The following KCNQ1 variants were observed in gnomAD, a reference collection of about 807,000 sequenced individuals.
KCNQ1 encodes the protein potassium voltage-gated channel subfamily KQT member 1.
A neutral mutation model predicts 72.4 loss-of-function variants in KCNQ1; 49 were observed. The observed-to-expected ratio is 0.68, with a 90% CI of 0.54 to 0.86. The LOEUF is 0.86. Among genes scored for constraint, KCNQ1 ranks in the 40% least tolerant of loss-of-function variants. The pLI is 0.00. For synonymous variants in KCNQ1, 450 were observed against 412.6 expected (o/e 1.09, Z -1.10); for missense variants, 790 against 945.1 (o/e 0.84, Z 2.15).
Position 2,652,857 on chromosome 11 carries a change from T to A in KCNQ1, c.1394-9104T>A. On this transcript the variant is annotated intron_variant, in intron 10 of 15. Coordinates refer to ENST00000155840, the MANE Select transcript of KCNQ1 (RefSeq NM_000218.3). This position sits in a 1 kb window ranked among gnomAD's most constrained non-coding sequence, Gnocchi z 5.9. ...GATTTGTGTATGCTGAGGCTTGCTA[T>A]ACTTATTCTAAGGAGAAGTGTTTGG... 2.5e-6 allele frequency: 1 copy of A among 398,750 alleles called. No individual in the cohort carries two copies. 24.7% of individuals were successfully genotyped at this position (398,750 alleles called of 1,614,324 possible). A position where few individuals can be genotyped will look rare whatever the true frequency, so the allele number is the denominator to read the frequency against.
chr11:2,645,064 G>C lies in KCNQ1; in HGVS notation c.1394-16897G>C. ...TTGCTCAGGTGCCAATGATGACAGA[G>C]CTGGGCCACAGGGTGGGTAGGTCCT... On this transcript the variant is annotated intron_variant, in intron 10 of 15. Transcript: ENST00000155840. This position sits in a 1 kb window ranked among gnomAD's most constrained non-coding sequence, Gnocchi z 5.8. 2.5e-6 allele frequency: 1 copy of C among 398,710 alleles called. No homozygotes were observed. Among genetic ancestry groups the C allele is most frequent in the Middle Eastern group, 6.3e-4 (1 of 1,588 alleles). The allele number at this position is 398,710 out of a possible 1,614,324, so 24.7% of individuals were successfully genotyped here. A position where few individuals can be genotyped will look rare whatever the true frequency, so the allele number is the denominator to read the frequency against.
At chr11:2,771,991 G>T (rs1182328478) in intron 12 of KCNQ1, among the ~76,000 whole-genome samples, 3 of 152,178 alleles carry the variant, frequency 2.0e-5, no homozygotes, top group African/African-American at 7.2e-5. Context: ...TGGGAGCCTT[G>T]CAGAAACCTG....
At chr11:2,476,264 A>T (rs1846567393) in intron 1 of KCNQ1, among the ~76,000 whole-genome samples, 1 of 152,192 alleles carries the variant, frequency 6.6e-6, no homozygotes, top group Non-Finnish European at 1.5e-5. Context: ...GATATCTCTG[A>T]TTTCAACGTA....
In KCNQ1 at chr11:2,651,955, G is replaced by C; in HGVS notation, c.1394-10006G>C. ...CACAGCCCTCCTGCAGCCAGCAGCA[G>C]TGGGGGAGCCAAGCTGAGTTGATTA... On this transcript the variant is annotated intron_variant, in intron 10 of 15. Coordinates refer to ENST00000155840, the MANE Select transcript of KCNQ1 (RefSeq NM_000218.3). This position sits in a 1 kb window ranked among gnomAD's most constrained non-coding sequence, Gnocchi z 6.1. 1 of 398,730 alleles carries C rather than the reference G, an allele frequency of 2.5e-6. No homozygotes were observed. 24.7% of individuals were successfully genotyped at this position (398,730 alleles called of 1,614,324 possible).
chr11:2,692,472 T>G, intron 11 of KCNQ1: 1 of 398,742 alleles, frequency 2.5e-6, no homozygotes, highest in Non-Finnish European at 4.4e-6. Context: ...GCAGCTGCCT[T>G]TCTGGTAGTT....
chr11:2,728,492 G>A (rs573637924), intron 11 of KCNQ1, among the ~76,000 whole-genome samples: 17 of 152,350 alleles, frequency 1.1e-4, no homozygotes, highest in African/African-American at 3.8e-4. Flanking sequence ...TAATTCTGCA[G>A]CCTCTGGCTT....
Position 2,473,417 on chromosome 11 carries a change from T to G in KCNQ1, c.386+27933T>G, listed in dbSNP as rs1051606835. Among the ~76,000 whole-genome samples, 6 of 151,762 alleles carry G rather than the reference T, an allele frequency of 4.0e-5. No individual in the cohort carries two copies. In the East Asian group the frequency reaches 1.2e-3, roughly 29 times the overall value. ...CCCGTCCAGCAGGAGGCAGGAGAGC[T>G]GGTGTTTGGAGATGTGAGGGGCTGG... On this transcript the variant is annotated intron_variant, in intron 1 of 15. Transcript: ENST00000155840. This position sits in a 1 kb window ranked among gnomAD's most constrained non-coding sequence, Gnocchi z 6.0.
intron 11 of KCNQ1, among the ~76,000 whole-genome samples, chr11:2,719,459 G>A (rs1851166171): frequency 6.6e-6 from 1 of 151,328 alleles, no homozygotes; most frequent in African/African-American, 2.4e-5. Flanking sequence ...GACTGTGATT[G>A]ACGTGTTGAC....
In KCNQ1 at chr11:2,720,502, G is replaced by C. The variant is rs231884; in HGVS notation, c.1515-48342G>C. Among the ~76,000 whole-genome samples, 19,325 of 152,162 alleles carry C rather than the reference G, an allele frequency of 0.13. 1,568 individuals carry two copies. The highest frequency in any genetic ancestry group is 0.2 in the Middle Eastern group (59 of 294). ...CTCGAAGCTCACCTGGCCTCTCTCTGTAAGGGGAGAGGGACCCAGGGCTGA... is the reference window on the plus strand; with the variant it reads ...CTCGAAGCTCACCTGGCCTCTCTCTCTAAGGGGAGAGGGACCCAGGGCTGA... On this transcript the variant is annotated intron_variant, in intron 11 of 15. Coordinates refer to ENST00000155840, the MANE Select transcript of KCNQ1 (RefSeq NM_000218.3). This position sits in a 1 kb window ranked among gnomAD's most constrained non-coding sequence, Gnocchi z 5.1.
chr11:2,733,096 A>C (rs1314843949), intron 11 of KCNQ1, among the ~76,000 whole-genome samples: 4 of 151,942 alleles, frequency 2.6e-5, no homozygotes, highest in Admixed American at 1.3e-4. Flanking sequence ...CCCTCTGTAA[A>C]ATAGGAGGCA....
At position 2,725,617 on chromosome 11, in the gene KCNQ1, C is replaced by T. The variant is rs570515719; in HGVS notation, c.1515-43227C>T. Among the ~76,000 whole-genome samples the T allele has an allele frequency of 6.2e-4, 95 of 152,356 alleles. No homozygotes were observed. The highest frequency in any genetic ancestry group is 2.0e-3 in the African/African-American group (85 of 41,580). The stretch of plus-strand genomic sequence containing the variant: ...GACTTGCCCTCGCCCCCTTCCCGAA[C>T]GTACCCTTTCCATGAGGCTGGGCGC... On this transcript the variant is annotated intron_variant, in intron 11 of 15. Transcript: ENST00000155840. This position sits in a 1 kb window ranked among gnomAD's most constrained non-coding sequence, Gnocchi z 7.2.
At chr11:2,614,167 A>G in intron 10 of KCNQ1, 1 of 398,370 alleles carries the variant, frequency 2.5e-6, no homozygotes, top group Non-Finnish European at 4.4e-6. Context: ...AATCGAATCT[A>G]CCCCCAAGAG....
chr11:2,786,089 A>T (rs980727504), intron 15 of KCNQ1, among the ~76,000 whole-genome samples: 1 of 152,052 alleles, frequency 6.6e-6, no homozygotes, highest in Non-Finnish European at 1.5e-5. Context: ...TACATCTGGG[A>T]TTACCTTTTT....
At chr11:2,614,055 A>C in intron 10 of KCNQ1, 1 of 398,544 alleles carries the variant, frequency 2.5e-6, no homozygotes, top group East Asian at 3.6e-5. Flanking sequence ...TAACCTTTCA[A>C]CCAATCTCTT....
rs1850420173 is a variant in KCNQ1, at chr11:2,682,746, C to T, written c.1514+20665C>T. The T allele has an allele frequency of 2.5e-6, 1 of 398,696 alleles. No individual in the cohort carries two copies. Among genetic ancestry groups the T allele is most frequent in the Non-Finnish European group, 4.4e-6 (1 of 226,096 alleles). 24.7% of individuals were successfully genotyped at this position (398,696 alleles called of 1,614,324 possible). A position where few individuals can be genotyped will look rare whatever the true frequency, so the allele number is the denominator to read the frequency against. ...AGAATCTCTTCCCCTTGAGCCCACTCATCTCTGTTGACATTCTAGAAATGC... is the reference window on the plus strand; with the variant it reads ...AGAATCTCTTCCCCTTGAGCCCACTTATCTCTGTTGACATTCTAGAAATGC... On this transcript the variant is annotated intron_variant, in intron 11 of 15. Coordinates refer to ENST00000155840, the MANE Select transcript of KCNQ1 (RefSeq NM_000218.3). The surrounding 1 kb of genome is among the most constrained non-coding windows in gnomAD (Gnocchi z 5.8).
In KCNQ1 at chr11:2,493,634, G is replaced by A. The variant is rs933702309; in HGVS notation, c.387-34294G>A. Among the ~76,000 whole-genome samples, 3 of 152,084 alleles carry A rather than the reference G, an allele frequency of 2.0e-5. No individual in the cohort carries two copies. The highest frequency in any genetic ancestry group is 2.9e-5 in the Non-Finnish European group (2 of 68,022). On this transcript the variant is annotated intron_variant, in intron 1 of 15. Transcript: ENST00000155840. This position sits in a 1 kb window ranked among gnomAD's most constrained non-coding sequence, Gnocchi z 5.3. ...CCTTTCCGCATTGCTTTTTTGTCAG[G>A]TTGGTCAAAGATCAGATGATTTTAG...
rs556317096 is a variant in KCNQ1, at chr11:2,713,924, C to T, written c.1514+51843C>T. 4.6e-5 allele frequency among the ~76,000 whole-genome samples: 7 copies of T among 152,368 alleles called. No individual in the cohort carries two copies. The highest frequency in any genetic ancestry group is 8.8e-5 in the Non-Finnish European group (6 of 68,028). ...TGGCCCAGCACGCCGCTCACTGCCG[C>T]GCCTTTGTTCTCTGCTTCCTGCTCG... On this transcript the variant is annotated intron_variant, in intron 11 of 15. Coordinates refer to ENST00000155840, the MANE Select transcript of KCNQ1 (RefSeq NM_000218.3). This position sits in a 1 kb window ranked among gnomAD's most constrained non-coding sequence, Gnocchi z 5.6.
rs1421733571 is a variant in KCNQ1, at chr11:2,720,182, C to T, written c.1515-48662C>T. On this transcript the variant is annotated intron_variant, in intron 11 of 15. Transcript: ENST00000155840. The surrounding 1 kb of genome is among the most constrained non-coding windows in gnomAD (Gnocchi z 5.1). ...TAGTATGTTAGACAGCACAGTCTTCCAAATGGACTGTGGGCATGATGGATG... is the reference window on the plus strand; with the variant it reads ...TAGTATGTTAGACAGCACAGTCTTCTAAATGGACTGTGGGCATGATGGATG... Among the ~76,000 whole-genome samples, 4 of 152,164 alleles carry T rather than the reference C, an allele frequency of 2.6e-5. No individual in the cohort carries two copies. Among genetic ancestry groups the T allele is most frequent in the African/African-American group, 9.7e-5 (4 of 41,434 alleles).
rs999413684 is a variant in KCNQ1, at chr11:2,595,549, C to T, written c.1393+6695C>T. Among the ~76,000 whole-genome samples, 3 of 152,072 alleles carry T rather than the reference C, an allele frequency of 2.0e-5. No individual in the cohort carries two copies. The highest frequency in any genetic ancestry group is 1.9e-4 in the East Asian group (1 of 5,196). ...TGCTCTATAATGAAGCAACAAAGCC[C>T]GATGACAGTACATCTGTTGACAACA... is the stretch of plus-strand genomic sequence containing the variant. On this transcript the variant is annotated intron_variant, in intron 10 of 15. Coordinates refer to ENST00000155840, the MANE Select transcript of KCNQ1 (RefSeq NM_000218.3). This position sits in a 1 kb window ranked among gnomAD's most constrained non-coding sequence, Gnocchi z 5.0.
Sources: gnomAD v4.1 joint callset for allele counts (sites outside exome capture counted in the v4.1 genomes callset) on GRCh38, gnomAD v4.1.1 for gene constraint, Gnocchi (gnomAD v3.1) non-coding constraint, MANE v1.5 for transcripts, NCBI Gene and HGNC (gene_info 2026-07-23, HGNC 2026-07-21) for gene names.